MEF2C: variants seen among roughly 807,000 people sequenced by gnomAD.
MEF2C encodes myocyte enhancer factor 2C, also known as myocyte-specific enhancer factor 2C.
A neutral mutation model predicts 50.5 loss-of-function variants in MEF2C; 6 were observed. That is an observed-to-expected ratio of 0.12 (90% confidence interval 0.07 to 0.23). The LOEUF is 0.23. MEF2C is among the 10% of genes least tolerant of loss of function. The pLI, the probability that MEF2C is intolerant of heterozygous loss-of-function variation, is 1.00. For missense variants in MEF2C, 276 were observed against 605.0 expected, an observed-to-expected ratio of 0.46 and a Z score of 5.70; for synonymous variants, 183 against 228.0, an observed-to-expected ratio of 0.80 and a Z score of 1.78.
At chr5:88,738,728 C>A (rs776197775) in intron 6 of MEF2C, 30 of 985,262 alleles carry the variant, frequency 3.0e-5, no homozygotes, top group Non-Finnish European at 3.6e-5. Context: ...TCAAGGTTGT[C>A]CTAAGCCAGA....
intron 1 of MEF2C, chr5:88,839,500 G>C (rs1816540036): frequency 6.6e-6 from 1 of 152,124 alleles, no homozygotes; most frequent in Non-Finnish European, 1.5e-5. Context: ...GGAAATCTCT[G>C]AGATTTGTAA....
At chr5:88,770,074 G>T in intron 3 of MEF2C, 1 of 873,240 alleles carries the variant, frequency 1.1e-6, no homozygotes, top group Non-Finnish European at 1.4e-6. Context: ...AGACAAGACA[G>T]AACTATAAAT....
intron 6 of MEF2C, chr5:88,733,289 A>T: frequency 2.0e-6 from 2 of 985,230 alleles, no homozygotes; most frequent in Non-Finnish European, 2.4e-6. Flanking sequence ...ACTGAGAGGA[A>T]CCTGTTTAGA....
chr5:88,867,918 G>A (rs1018405795), intron 1 of MEF2C, among the ~76,000 whole-genome samples: 12 of 152,166 alleles, frequency 7.9e-5, no homozygotes, highest in East Asian at 3.8e-4. Flanking sequence ...CTATCATTAC[G>A]CGTGCAGCGA....
intron 1 of MEF2C, chr5:88,843,370 G>T: frequency 1.0e-6 from 1 of 984,886 alleles, no homozygotes; most frequent in Non-Finnish European, 1.2e-6. Context: ...AACCCTCAAA[G>T]GTGAACCAAC....
intron 1 of MEF2C, among the ~76,000 whole-genome samples, chr5:88,842,594 C>T (rs891478205): frequency 6.6e-6 from 1 of 150,656 alleles, no homozygotes; most frequent in South Asian, 2.1e-4. Flanking sequence ...AGAATTCATT[C>T]AACAGCCACA....
intron 1 of MEF2C, among the ~76,000 whole-genome samples, chr5:88,902,718 A>G (rs551482514): frequency 1.3e-5 from 2 of 151,892 alleles, no homozygotes; most frequent in South Asian, 2.1e-4. Flanking sequence ...CATCAGAATA[A>G]AACAATTGCC....
chr5:88,738,362 C>T, intron 6 of MEF2C: 7 of 985,272 alleles, frequency 7.1e-6, no homozygotes, highest in Non-Finnish European at 8.4e-6. Flanking sequence ...AGAAGAGTAC[C>T]AGGCACTTGT....
At chr5:88,746,305 T>C (rs528137960) in intron 6 of MEF2C, among the ~76,000 whole-genome samples, 3 of 152,146 alleles carry the variant, frequency 2.0e-5, no homozygotes, top group African/African-American at 7.2e-5. Flanking sequence ...AGGCACTGGA[T>C]GGGAAAGATG....
chr5:88,806,764 T>C (rs762345814), intron 2 of MEF2C, among the ~76,000 whole-genome samples: 18 of 152,186 alleles, frequency 1.2e-4, no homozygotes, highest in Non-Finnish European at 2.2e-4. Context: ...ATATTTTGTA[T>C]ATAAAATATG....
At chr5:88,822,683 A>G (rs1203626009) in intron 2 of MEF2C, among the ~76,000 whole-genome samples, 5 of 152,114 alleles carry the variant, frequency 3.3e-5, no homozygotes, top group South Asian at 4.1e-4. Context: ...TCCTATTTGT[A>G]TGTCCAAGAA....
chr5:88,797,220 TG>T (rs745546461), intron 3 of MEF2C, among the ~76,000 whole-genome samples: 9 of 152,028 alleles, frequency 5.9e-5, no homozygotes, highest in Non-Finnish European at 1.0e-4. Flanking sequence ...ATATTGACAG[TG>T]GGGTGTTAAA....
chr5:88,809,973 A>T (rs932607311), intron 2 of MEF2C, among the ~76,000 whole-genome samples: 1 of 152,150 alleles, frequency 6.6e-6, no homozygotes. Flanking sequence ...TTACTCCAGT[A>T]TTACAAAGTT....
intron 3 of MEF2C, among the ~76,000 whole-genome samples, chr5:88,795,276 G>A (rs1477342937): frequency 6.6e-6 from 1 of 152,162 alleles, no homozygotes; most frequent in Non-Finnish European, 1.5e-5. Context: ...CTATCCGTGA[G>A]CATGGAGTGT....
chr5:88,772,470 A>T (rs1201084928), intron 3 of MEF2C: 2 of 153,788 alleles, frequency 1.3e-5, no homozygotes, highest in African/African-American at 4.8e-5. Flanking sequence ...CCTTGTCCTG[A>T]TGGGGAACAT....
chr5:88,897,269 A>G (rs923635076), intron 1 of MEF2C, among the ~76,000 whole-genome samples: 1 of 152,228 alleles, frequency 6.6e-6, no homozygotes, highest in Non-Finnish European at 1.5e-5. Context: ...TGAAGGATTT[A>G]TGTTCATGCA....
intron 6 of MEF2C, chr5:88,737,530 T>G: frequency 1.0e-6 from 1 of 985,426 alleles, no homozygotes; most frequent in Non-Finnish European, 1.2e-6. Flanking sequence ...TGTCGTTATA[T>G]CAAGGTAAAT....
intron 6 of MEF2C, chr5:88,739,014 A>T (rs1305906473): frequency 1.4e-5 from 14 of 981,042 alleles, no homozygotes; most frequent in Non-Finnish European, 1.6e-5. Flanking sequence ...TATTTTAGTC[A>T]ATAATCTTCT....
chr5:88,784,466 A>G (rs1580651526), intron 3 of MEF2C, among the ~76,000 whole-genome samples: 2 of 152,326 alleles, frequency 1.3e-5, no homozygotes, highest in East Asian at 3.9e-4. Flanking sequence ...TAACTATATT[A>G]TTTCATGTTT....
Sources: gnomAD v4.1 joint callset for allele counts (sites outside exome capture counted in the v4.1 genomes callset) on GRCh38, gnomAD v4.1.1 for gene constraint, MANE v1.5 for transcripts, NCBI Gene and HGNC (gene_info 2026-07-23, HGNC 2026-07-21) for gene names.